Variants in MIDN observed in about 807,000 individuals in gnomAD.
MIDN encodes the protein midbrain nucleolar protein.
A neutral mutation model predicts 46.1 loss-of-function variants in MIDN; 26 were observed. The observed-to-expected ratio is 0.56, with a 90% CI of 0.41 to 0.78. The LOEUF (loss-of-function observed/expected upper bound fraction) is 0.78. Ranked by LOEUF, MIDN falls within the 30% of genes least tolerant of loss-of-function variation. The pLI, the probability that MIDN is intolerant of heterozygous loss-of-function variation, is 0.00. For missense variants in MIDN, 850 were observed against 771.8 expected (o/e 1.10, Z -1.20); for synonymous variants, 432 against 343.3 (o/e 1.26, Z -2.86).
intron 4 of MIDN, 199 bp from the exon 5 acceptor site, chr19:1,253,754 GA>G: frequency 3.7e-6 from 1 of 272,952 alleles, no homozygotes; most frequent in Non-Finnish European, 6.8e-6. Context: ...GAGGGGGCCT[GA>G]GGTGGAGCCC....
In MIDN at chr19:1,251,593, G is replaced by A. The variant is rs1225321020; in HGVS notation, c.265G>A (p.Gly89Ser). 1 of 1,606,268 alleles carries A rather than the reference G, an allele frequency of 6.2e-7. No individual in the cohort carries two copies. Among genetic ancestry groups the A allele is most frequent in the Non-Finnish European group, 8.5e-7 (1 of 1,177,504 alleles). ...RLSSGKLQEF[G>S]VGDGSKLTLV... ...CAGTTCGGGGAAGCTGCAGGAGTTC[G>A]GCGTGGGTGATGGCAGCAAGCTGAC... The change falls in exon 3 of 9, where the codon GGC (glycine) becomes AGC (serine). Residue 89 changes from glycine to serine, a missense_variant. Gly to Ser is a moderately conservative substitution (Grantham distance 56). Transcript: ENST00000682408.
Position 1,258,596 on chromosome 19 carries a change from C to G in MIDN, c.*1324C>G, listed in dbSNP as rs945281704. The G allele has an allele frequency of 1.3e-5, 2 of 152,280 alleles. No individual in the cohort carries two copies. The highest frequency in any genetic ancestry group is 2.9e-5 in the Non-Finnish European group (2 of 68,004). 9.4% of individuals were successfully genotyped at this position (152,280 alleles called of 1,614,324 possible). A position where few individuals can be genotyped will look rare whatever the true frequency, so the allele number is the denominator to read the frequency against. On this transcript the variant is annotated 3_prime_UTR_variant, in exon 9 of 9. Transcript: ENST00000682408. ...TCGGTCTTGTCCTGGCTCTGCCTGT[C>G]CCCCACCGTTGTTCTCGTAGGTGAA...
chr19:1,253,947 C>T lies in MIDN; in HGVS notation c.385-7C>T. Reference sequence around the variant, plus strand: ...GGCCCCCGTCTGACCCGCCTCTGTCCCCACAGCCCCCAGCGGCGCCCGGGC... The same window carrying T: ...GGCCCCCGTCTGACCCGCCTCTGTCTCCACAGCCCCCAGCGGCGCCCGGGC... On this transcript the variant is annotated splice_polypyrimidine_tract_variant and splice_region_variant and intron_variant, in intron 4 of 8. Coordinates refer to ENST00000682408, the MANE Select transcript of MIDN (RefSeq NM_001388306.1). 2 of 1,385,830 alleles carry T rather than the reference C, an allele frequency of 1.4e-6. No individual in the cohort carries two copies. The highest frequency in any genetic ancestry group is 1.6e-5 in the South Asian group (1 of 62,240). The allele number at this position is 1,385,830 out of a possible 1,614,324, so 85.8% of individuals were successfully genotyped here.
chr19:1,251,276 G>T lies in MIDN; in HGVS notation c.234-286G>T, dbSNP rs192623118. On this transcript the variant is annotated intron_variant, in intron 2 of 8. Coordinates refer to ENST00000682408, the MANE Select transcript of MIDN (RefSeq NM_001388306.1). Reference sequence around the variant, plus strand: ...GGAAGGTGGCATAGAGCACACTGGGGCCCAGAGGAGGAGAAAGTGCCTGGT... The same window carrying T: ...GGAAGGTGGCATAGAGCACACTGGGTCCCAGAGGAGGAGAAAGTGCCTGGT... 25 of 446,442 alleles carry T rather than the reference G, an allele frequency of 5.6e-5. 1 individual carries two copies. The South Asian group carries it at 6.7e-4, about 12-fold the overall frequency. 27.7% of individuals were successfully genotyped at this position (446,442 alleles called of 1,614,324 possible).
In MIDN at chr19:1,255,665, A is replaced by G; in HGVS notation, c.1229A>G (p.Gln410Arg). 2 of 1,598,440 alleles carry G rather than the reference A, an allele frequency of 1.3e-6. No homozygotes were observed. The highest frequency in any genetic ancestry group is 1.7e-6 in the Non-Finnish European group (2 of 1,176,276). The change falls in exon 8 of 9, where the codon CAG becomes CGG. Residue 410 changes from glutamine (Q) to arginine (R), a missense_variant. Physicochemically the swap from Gln to Arg is conservative, Grantham distance 43. Transcript: ENST00000682408. The part of the protein sequence containing the change: ...AAPSASLLQG[Q>R]SQIRMCKPPG... ...CCCTCAGCCTCCCTGCTGCAGGGCC[A>G]GAGCCAGATCCGCATGTGCAAGCCC... is the stretch of plus-strand genomic sequence containing the variant.
At chr19:1,252,344 AC>A (rs1369217754) in intron 4 of MIDN, among the ~76,000 whole-genome samples, 1 of 150,140 alleles carries the variant, frequency 6.7e-6, no homozygotes, top group Non-Finnish European at 1.5e-5. Context: ...GCCTTCCGTG[AC>A]CCCCATCGTG....
Position 1,257,564 on chromosome 19 carries a change from A to C in MIDN, c.*292A>C. 1 of 359,906 alleles carries C rather than the reference A, an allele frequency of 2.8e-6. No individual in the cohort carries two copies. Among genetic ancestry groups the C allele is most frequent in the Non-Finnish European group, 5.0e-6 (1 of 199,688 alleles). 22.3% of individuals were successfully genotyped at this position (359,906 alleles called of 1,614,324 possible). On this transcript the variant is annotated 3_prime_UTR_variant, in exon 9 of 9. Transcript: ENST00000682408. ...GTCTGTCTCCTTTCACCTCTGCGCCAGGTCGGTCCTCCCTGCCAACCTTCC... is the reference window on the plus strand; with the variant it reads ...GTCTGTCTCCTTTCACCTCTGCGCCCGGTCGGTCCTCCCTGCCAACCTTCC...
rs1199577496 is a variant in MIDN, at chr19:1,255,516, C to T, written c.1080C>T (p.Thr360=). The T allele has an allele frequency of 4.3e-6, 7 of 1,611,956 alleles. No individual in the cohort carries two copies. ...TCCTGAACGACCTCCTGAGCGCCAC[C>T]CGGCACTACCAGGGCATGCCCCCTT... ...LQILNDLLSA[T]RHYQGMPPSL... Residue 360 remains threonine, a synonymous_variant, in exon 8 of 9, where the codon ACC becomes ACT. Coordinates refer to ENST00000682408, the MANE Select transcript of MIDN (RefSeq NM_001388306.1).
At position 1,250,440 on chromosome 19, in the gene MIDN, GC is replaced by G; in HGVS notation, c.147del (p.Asp50ThrfsTer47). The G allele has an allele frequency of 1.4e-6, 2 of 1,384,124 alleles. No homozygotes were observed. The highest frequency in any genetic ancestry group is 1.9e-6 in the Non-Finnish European group (2 of 1,046,994). 85.7% of individuals were successfully genotyped at this position (1,384,124 alleles called of 1,614,324 possible). A position where few individuals can be genotyped will look rare whatever the true frequency, so the allele number is the denominator to read the frequency against. On this transcript the variant is annotated frameshift_variant, in exon 2 of 9. Coordinates refer to ENST00000682408, the MANE Select transcript of MIDN (RefSeq NM_001388306.1). LOFTEE classifies it high-confidence loss of function. ...GCACCCGCTACGACCTGGCCGTGCCGCCCGACGAGACGGTGGAGGGGCTGCG... is the reference window on the plus strand; with the variant it reads ...GCACCCGCTACGACCTGGCCGTGCCGCCGACGAGACGGTGGAGGGGCTGCG... ...TGTRYDLAVP[P>X]DETVEGLRKR...
chr19:1,257,319 GGCGGGGACTCCGAGA>G lies in MIDN; in HGVS notation c.*50_*64del, dbSNP rs1568798920. ...CGCCCCTCGCACCCCAGCCCAGGGC[GGCGGGGACTCCGAGA>G]GCCCCGGAGAGAACGTGGCCCAGCC... On this transcript the variant is annotated 3_prime_UTR_variant, in exon 9 of 9. Coordinates refer to ENST00000682408, the MANE Select transcript of MIDN (RefSeq NM_001388306.1). 1.0e-5 allele frequency: 16 copies of G among 1,560,394 alleles called. No homozygotes were observed. Among genetic ancestry groups the G allele is most frequent in the Non-Finnish European group, 1.4e-5 (16 of 1,138,476 alleles).
Position 1,257,096 on chromosome 19 carries a change from G to C in MIDN, c.1360G>C (p.Asp454His), listed in dbSNP as rs1448188445. 1 of 1,611,944 alleles carries C rather than the reference G, an allele frequency of 6.2e-7. No homozygotes were observed. The highest frequency in any genetic ancestry group is 1.3e-5 in the African/African-American group (1 of 74,940). The part of the protein sequence containing the change: ...QKRLRRKARR[D>H]ARGPYHWSPS... ...ACGGCTCCGTAGAAAGGCCCGGCGG[G>C]ACGCGCGGGGTCCGTACCACTGGTC... is the stretch of plus-strand genomic sequence containing the variant. The change falls in exon 9 of 9, where the codon GAC (aspartate) becomes CAC (histidine). Residue 454 changes from aspartate (D) to histidine (H), a missense_variant. Asp to His is a moderately conservative substitution (Grantham distance 81). Transcript: ENST00000682408.
intron 7 of MIDN, 40 bp downstream of exon 7, chr19:1,255,101 G>C (rs758151897): frequency 7.6e-6 from 12 of 1,587,662 alleles, no homozygotes; most frequent in Non-Finnish European, 1.0e-5. Flanking sequence ...CGTGTGTCCC[G>C]TGACCCTGTG....
At position 1,257,214 on chromosome 19, in the gene MIDN, A is replaced by G; in HGVS notation, c.1478A>G (p.Asp493Gly). 6.2e-7 allele frequency: 1 copy of G among 1,611,972 alleles called. No homozygotes were observed. Among genetic ancestry groups the G allele is most frequent in the Non-Finnish European group, 8.5e-7 (1 of 1,179,658 alleles). ...EASGLGLDFE[D>G]SVWKPEVNPD... is the part of the protein sequence containing the mutation. ...TCCGGCTTGGGCCTCGACTTCGAGG[A>G]CTCCGTGTGGAAGCCAGAAGTCAAC... The change falls in exon 9 of 9, where the codon GAC becomes GGC. Residue 493 changes from aspartate (D) to glycine (G), a missense_variant. By Grantham distance (94) the Asp-to-Gly change is moderately conservative. Coordinates refer to ENST00000682408, the MANE Select transcript of MIDN (RefSeq NM_001388306.1).
intron 3 of MIDN, 71 bp downstream of exon 3, chr19:1,251,720 GTCCGCACACACACTACCT>G: frequency 6.6e-7 from 1 of 1,525,902 alleles, no homozygotes; most frequent in Non-Finnish European, 9.0e-7. Flanking sequence ...CTCGGTACCT[GTCCGCACACACACTACCT>G]GGGGCCCCCA....
chr19:1,251,480 G>A, intron 2 of MIDN, 82 bp from the exon 3 acceptor site: 2 of 1,290,052 alleles, frequency 1.6e-6, no homozygotes, highest in African/African-American at 1.5e-5. Flanking sequence ...CCCCACACAA[G>A]CACAGCCCTC....
At chr19:1,252,472 AG>A (rs1395156101) in intron 4 of MIDN, among the ~76,000 whole-genome samples, 5 of 151,450 alleles carry the variant, frequency 3.3e-5, no homozygotes, top group Non-Finnish European at 7.4e-5. Flanking sequence ...ACAGGATGTT[AG>A]GAAAATATTT....
intron 7 of MIDN, 124 bp from the exon 8 acceptor site, chr19:1,255,298 T>C: frequency 7.6e-7 from 1 of 1,310,556 alleles, no homozygotes; most frequent in Non-Finnish European, 1.0e-6. Context: ...CCGTGGTCCC[T>C]CGTGCACATC....
chr19:1,258,099 A>C lies in MIDN; in HGVS notation c.*827A>C, dbSNP rs1359403316. 3 of 150,422 alleles carry C rather than the reference A, an allele frequency of 2.0e-5. No individual in the cohort carries two copies. Among genetic ancestry groups the C allele is most frequent in the South Asian group, 2.1e-4 (1 of 4,734 alleles). 9.3% of individuals were successfully genotyped at this position (150,422 alleles called of 1,614,324 possible). A position where few individuals can be genotyped will look rare whatever the true frequency, so the allele number is the denominator to read the frequency against. Reference sequence around the variant, plus strand: ...GGACTGTGCTGTTTCCTCCGCCCCCACTCCCGTGTTTTCTGACCTCCTGCC... The same window carrying C: ...GGACTGTGCTGTTTCCTCCGCCCCCCCTCCCGTGTTTTCTGACCTCCTGCC... On this transcript the variant is annotated 3_prime_UTR_variant, in exon 9 of 9. Coordinates refer to ENST00000682408, the MANE Select transcript of MIDN (RefSeq NM_001388306.1).
At chr19:1,253,672 G>A (rs139636663) in intron 4 of MIDN, 57 of 182,136 alleles carry the variant, frequency 3.1e-4, no homozygotes, top group Middle Eastern at 2.3e-3. Flanking sequence ...TTTATCTTGA[G>A]AAAGCAAAGG....
Sources: gnomAD v4.1 joint callset for allele counts (sites outside exome capture counted in the v4.1 genomes callset) on GRCh38, gnomAD v4.1.1 for gene constraint, MANE v1.5 for transcripts, NCBI Gene and HGNC (gene_info 2026-07-23, HGNC 2026-07-21) for gene names.